KCNMB3: variants seen among roughly 807,000 people sequenced by gnomAD.
The protein encoded by KCNMB3 is calcium-activated potassium channel subunit beta-3.
Under a neutral mutation model 11.9 loss-of-function variants are expected in KCNMB3, and 18 were observed. The observed-to-expected ratio is 1.51, with a 90% CI of 1.04 to 2.23. The LOEUF is 2.23. Among genes scored for constraint, KCNMB3 ranks in the 30% most tolerant of loss-of-function variants. KCNMB3 has a pLI of 0.00. For missense variants in KCNMB3, 247 were observed against 329.4 expected, an observed-to-expected ratio of 0.75 and a Z score of 1.94; for synonymous variants, 78 against 119.2, an observed-to-expected ratio of 0.65 and a Z score of 2.25.
rs549578596 is a variant in KCNMB3, at chr3:179,259,428, C to T, written c.62+7221G>A. Reference sequence around the variant, plus strand: ...ATCCTCAAAATCTAATGTGTCTCTACCAGCTAGTACCTCCTCAGCTGCTGT... The same window carrying T: ...ATCCTCAAAATCTAATGTGTCTCTATCAGCTAGTACCTCCTCAGCTGCTGT... On this transcript the variant is annotated intron_variant, in intron 1 of 3. Transcript: ENST00000349697. 22 of 1,608,066 alleles carry T rather than the reference C, an allele frequency of 1.4e-5. 1 individual carries two copies. The South Asian group carries it at 1.9e-4, about 14-fold the overall frequency.
chr3:179,266,805 T>A, exon 1 of KCNMB3: 1 of 1,520,668 alleles, frequency 6.6e-7, no homozygotes, highest in Non-Finnish European at 8.8e-7. Flanking sequence ...GGAAGTGGAG[T>A]CCCAGCGGGA....
chr3:179,259,558 G>A, intron 1 of KCNMB3: 2 of 1,609,660 alleles, frequency 1.2e-6, no homozygotes, highest in Admixed American at 3.3e-5. Flanking sequence ...TTCTGTTTTG[G>A]ATTTTCAGTC....
intron 1 of KCNMB3, among the ~76,000 whole-genome samples, chr3:179,245,522 G>GC (rs943109722): frequency 6.6e-6 from 1 of 151,244 alleles, no homozygotes; most frequent in Non-Finnish European, 1.5e-5. Context: ...TTTGGGGGGG[G>GC]GGATGGAGTT....
chr3:179,253,235 C>T (rs1295519046), upstream of KCNMB3, among the ~76,000 whole-genome samples: 5 of 152,062 alleles, frequency 3.3e-5, no homozygotes, highest in African/African-American at 1.2e-4. Context: ...GGTGAAGAGG[C>T]TTATAATGAG....
At chr3:179,249,872 G>A (rs896023521) in intron 1 of KCNMB3, among the ~76,000 whole-genome samples, 21 of 152,204 alleles carry the variant, frequency 1.4e-4, no homozygotes, top group Admixed American at 5.2e-4. Flanking sequence ...ACACACACTG[G>A]GGCCTCTCAG....
At position 179,244,650 on chromosome 3, in the gene KCNMB3, T is replaced by C; in HGVS notation, c.292A>G (p.Ile98Val). The C allele has an allele frequency of 6.2e-7, 1 of 1,614,102 alleles. No individual in the cohort carries two copies. The highest frequency in any genetic ancestry group is 8.5e-7 in the Non-Finnish European group (1 of 1,180,018). ...ESTCTAIHTD[I>V]MDDWLDCAFT... is the part of the protein sequence containing the mutation. ...GCACAGTCCAGCCAGTCGTCCATGA[T>C]ATCTGTGTGGATGGCAGTGCAGGTC... The change falls in exon 2 of 3, where the codon ATC becomes GTC. Residue 98 changes from isoleucine (I) to valine (V), a missense_variant. Ile to Val is a conservative substitution (Grantham distance 29). Around this residue, in one of 2 missense-constraint regions of KCNMB3, gnomAD observed 160 missense variants for 157.5 expected, o/e 1.02. Coordinates refer to ENST00000392685, the MANE Select transcript of KCNMB3 (RefSeq NM_171830.2).
chr3:179,255,164 C>A (rs1389900338), upstream of KCNMB3, among the ~76,000 whole-genome samples: 16 of 148,432 alleles, frequency 1.1e-4, no homozygotes, highest in South Asian at 4.2e-4. Context: ...GACTCTATCT[C>A]AAAAAAAAAT....
intron 1 of KCNMB3, chr3:179,261,065 C>T: frequency 9.3e-7 from 1 of 1,072,870 alleles, no homozygotes; most frequent in Non-Finnish European, 1.4e-6. Context: ...TGCAGACGGG[C>T]CCAGCATGTT....
upstream of KCNMB3, chr3:179,251,697 G>T (rs760987509): frequency 5.2e-4 from 619 of 1,191,732 alleles, no homozygotes; most frequent in Non-Finnish European, 6.3e-4. Context: ...GATGTGTTTT[G>T]TTTGGCCTTC....
downstream of KCNMB3, chr3:179,242,356 CTG>C (rs1275675578): frequency 6.6e-6 from 1 of 151,460 alleles, no homozygotes; most frequent in African/African-American, 2.4e-5. Context: ...GACTGTGCCA[CTG>C]TGCTCCAGCC....
chr3:179,262,577 T>C (rs1047324647), intron 1 of KCNMB3, among the ~76,000 whole-genome samples: 2 of 152,244 alleles, frequency 1.3e-5, no homozygotes, highest in Non-Finnish European at 2.9e-5. Flanking sequence ...TTGCCACTGC[T>C]GGCTGGGGCA....
chr3:179,259,590 G>A lies in KCNMB3; in HGVS notation c.62+7059C>T. 1.9e-6 allele frequency: 3 copies of A among 1,608,286 alleles called. No homozygotes were observed. The Admixed American group carries it at 5.0e-5, about 27-fold the overall frequency. Reference sequence around the variant, plus strand: ...AGTCACCTCGTTTTGGGCTTCCACTGCTGACTTTCTGTCAGTAGACTTTAC... The same window carrying A: ...AGTCACCTCGTTTTGGGCTTCCACTACTGACTTTCTGTCAGTAGACTTTAC... On this transcript the variant is annotated intron_variant, in intron 1 of 3. Coordinates refer to the KCNMB3 transcript ENST00000349697.
downstream of KCNMB3, chr3:179,242,400 GA>G (rs71181273): frequency 0.68 from 98,034 of 145,092 alleles, 34,374 homozygotes; most frequent in African/African-American, 0.91. Context: ...TCTCAAAAAG[GA>G]AAAAAAAAAA....
At chr3:179,251,870 G>A (rs912050159), upstream of KCNMB3, among the ~76,000 whole-genome samples, 16 of 151,808 alleles carry the variant, frequency 1.1e-4, no homozygotes, top group African/African-American at 3.6e-4. Flanking sequence ...TACAGGCGCC[G>A]GCCACCATGC....
chr3:179,246,972 T>C (rs1023827617), intron 1 of KCNMB3, among the ~76,000 whole-genome samples: 7 of 152,136 alleles, frequency 4.6e-5, no homozygotes, highest in East Asian at 1.9e-4. Context: ...AAATCCATCA[T>C]CTGATTGAGG....
chr3:179,254,283 C>T (rs1322809447), upstream of KCNMB3, among the ~76,000 whole-genome samples: 1 of 152,214 alleles, frequency 6.6e-6, no homozygotes, highest in Non-Finnish European at 1.5e-5. Flanking sequence ...ATGCCTTTCT[C>T]AAACCTTAAC....
chr3:179,239,892 A>G, downstream of KCNMB3: 1 of 673,898 alleles, frequency 1.5e-6, no homozygotes. Context: ...AGCAAGATGC[A>G]TGTGTTACTA....
intron 1 of KCNMB3, chr3:179,261,332 C>CG (rs1726202143): frequency 7.6e-6 from 9 of 1,186,126 alleles, no homozygotes; most frequent in Non-Finnish European, 9.4e-6. Context: ...TGCCGGAGCC[C>CG]CCCCCCGCGG....
At chr3:179,256,056 T>C (rs1193080721), upstream of KCNMB3, among the ~76,000 whole-genome samples, 1 of 152,202 alleles carries the variant, frequency 6.6e-6, no homozygotes, top group South Asian at 2.1e-4. Context: ...AAGTATTTAC[T>C]CAAGGCAGAA....
Sources: gnomAD v4.1 joint callset for allele counts (sites outside exome capture counted in the v4.1 genomes callset) on GRCh38, gnomAD v4.1.1 for gene constraint, gnomAD v4.1.1 regional missense constraint, MANE v1.5 for transcripts, NCBI Gene and HGNC (gene_info 2026-07-23, HGNC 2026-07-21) for gene names.